Variants in LRP2 observed in about 807,000 individuals in gnomAD.
LRP2 encodes the protein LDL receptor related protein 2.
A neutral mutation model predicts 531.0 loss-of-function variants in LRP2; 172 were observed. That is an observed-to-expected ratio of 0.32 (90% CI 0.29 to 0.37). The LOEUF is 0.37. LRP2 is among the 10% of genes least tolerant of loss of function. The pLI, the probability that LRP2 is intolerant of heterozygous loss-of-function variation, is 1.00. For synonymous variants in LRP2, 1,992 were observed against 2,027.6 expected (o/e 0.98, Z 0.47); for missense variants, 5,167 against 5,868.3 (o/e 0.88, Z 3.90).
intron 52 of LRP2, among the ~76,000 whole-genome samples, chr2:169,178,245 C>T (rs1687287869): frequency 6.6e-6 from 1 of 152,180 alleles, no homozygotes; most frequent in African/African-American, 2.4e-5. Flanking sequence ...CAATACTTAA[C>T]AAAATAGGAA....
intron 33 of LRP2, among the ~76,000 whole-genome samples, chr2:169,221,925 C>T (rs1689028751): frequency 8.9e-6 from 1 of 112,514 alleles, no homozygotes; most frequent in South Asian, 3.8e-4. Context: ...CACGGCCATT[C>T]TGTAGGCTTC....
chr2:169,145,807 C>A lies in LRP2; in HGVS notation c.12928G>T (p.Val4310Leu). 6.2e-7 allele frequency: 1 copy of A among 1,614,096 alleles called. No homozygotes were observed. The highest frequency in any genetic ancestry group is 2.2e-5 in the East Asian group (1 of 44,872). The change falls in exon 70 of 79, where the codon GTA becomes TTA. Residue 4310 changes from valine to leucine, a missense_variant. Physicochemically the swap from Val to Leu is conservative, Grantham distance 32. Transcript: ENST00000649046. ...ACTTGAGTGAGCCAAGGGTTCACTACCAGCGTTTTCTCTTTCTTTCCTTGC... is the reference window on the plus strand; with the variant it reads ...ACTTGAGTGAGCCAAGGGTTCACTAACAGCGTTTTCTCTTTCTTTCCTTGC... The part of the protein sequence containing the change: ...FGQGKKEKTL[V>L]VNPWLTQVRI...
chr2:169,339,872 C>T (rs367985231), intron 1 of LRP2, among the ~76,000 whole-genome samples: 2 of 152,306 alleles, frequency 1.3e-5, no homozygotes, highest in African/African-American at 4.8e-5. Context: ...AGGGTGTTAT[C>T]ACCATAGCAA....
rs767756977 is a variant in LRP2, at chr2:169,177,800, C to T, written c.10393+3G>A. 6.2e-7 allele frequency: 1 copy of T among 1,613,922 alleles called. No homozygotes were observed. Among genetic ancestry groups the T allele is most frequent in the South Asian group, 1.1e-5 (1 of 91,072 alleles). On this transcript the variant is annotated splice_donor_region_variant and intron_variant, in intron 53 of 78. Transcript: ENST00000649046. ...TTGCCAAACCCCTCAATCACCTACT[C>T]ACCAATGGGCTGCCTATATGGATGG...
chr2:169,198,706 A>G, intron 45 of LRP2, 80 bp downstream of exon 45: 1 of 1,539,630 alleles, frequency 6.5e-7, no homozygotes, highest in Non-Finnish European at 8.9e-7. Flanking sequence ...CAGCCCGAAT[A>G]CCCACGCTTC....
chr2:169,357,488 C>T (rs1686026137), intron 1 of LRP2, among the ~76,000 whole-genome samples: 1 of 151,874 alleles, frequency 6.6e-6, no homozygotes, highest in Non-Finnish European at 1.5e-5. Context: ...TGCGTCACCA[C>T]GCCCAGCTAA....
At chr2:169,154,311 G>A (rs1686253911) in intron 66 of LRP2, 149 bp downstream of exon 66, 1 of 704,412 alleles carries the variant, frequency 1.4e-6, no homozygotes, top group African/African-American at 1.8e-5. Flanking sequence ...CCACGCTAAG[G>A]CATCAGGAGC....
Position 169,231,653 on chromosome 2 carries a change from C to G in LRP2, c.5227+61G>C. 19 of 1,609,992 alleles carry G rather than the reference C, an allele frequency of 1.2e-5. No homozygotes were observed. In the South Asian group the frequency reaches 2.0e-4, roughly 17 times the overall value. The stretch of plus-strand genomic sequence containing the variant: ...GTCGCAATTGGTTTTAGAGTTTCCA[C>G]TGCTTGGCACAAACTATGACCAGCT... On this transcript the variant is annotated intron_variant, in intron 31 of 78. Coordinates refer to ENST00000649046, the MANE Select transcript of LRP2 (RefSeq NM_004525.3).
At chr2:169,141,548 T>C (rs1685718769) in intron 71 of LRP2, among the ~76,000 whole-genome samples, 1 of 152,186 alleles carries the variant, frequency 6.6e-6, no homozygotes, top group Non-Finnish European at 1.5e-5. Context: ...CGAGGCCCTA[T>C]ATGGAATGAC....
intron 14 of LRP2, 96 bp from the exon 15 acceptor site, chr2:169,273,163 AT>A: frequency 7.2e-7 from 1 of 1,386,380 alleles, no homozygotes; most frequent in Non-Finnish European, 1.0e-6. Flanking sequence ...TATAGGTGAA[AT>A]AGAGTAATGG....
At chr2:169,294,803 A>G (rs1026909135) in intron 4 of LRP2, 93 bp from the exon 5 acceptor site, 2 of 775,156 alleles carry the variant, frequency 2.6e-6, no homozygotes, top group African/African-American at 1.8e-5. Flanking sequence ...AGTGATTACT[A>G]TATGCAAGTC....
chr2:169,280,162 T>G (rs1373054510), intron 11 of LRP2, among the ~76,000 whole-genome samples, 188 bp downstream of exon 11: 1 of 152,228 alleles, frequency 6.6e-6, no homozygotes, highest in African/African-American at 2.4e-5. Context: ...ATCCATATAA[T>G]AGACTGCTTT....
intron 67 of LRP2, among the ~76,000 whole-genome samples, chr2:169,151,561 G>C (rs1574074855): frequency 6.6e-6 from 1 of 152,146 alleles, no homozygotes; most frequent in African/African-American, 2.4e-5. Flanking sequence ...CCTGGTGTCA[G>C]CTCAAAGATG....
intron 69 of LRP2, among the ~76,000 whole-genome samples, 186 bp from the exon 70 acceptor site, chr2:169,146,109 G>A (rs1046679312): frequency 7.2e-5 from 11 of 152,136 alleles, no homozygotes; most frequent in African/African-American, 2.7e-4. Flanking sequence ...GCTGCATTAG[G>A]AGGTCAAGAA....
chr2:169,138,756 C>A (rs575000384), intron 74 of LRP2, 50 bp from the exon 75 acceptor site: 2 of 1,604,434 alleles, frequency 1.2e-6, no homozygotes, highest in East Asian at 2.2e-5. Context: ...ACAACAACAA[C>A]AAAAACAACA....
rs534921182 is a variant in LRP2, at chr2:169,268,144, C to T, written c.2320+2760G>A. Among the ~76,000 whole-genome samples the T allele has an allele frequency of 5.3e-5, 8 of 152,276 alleles. No homozygotes were observed. The South Asian group carries it at 1.5e-3, about 28-fold the overall frequency. On this transcript the variant is annotated intron_variant, in intron 16 of 78. Transcript: ENST00000649046. ...CTACCAACCCAAAAAATGTCCAGGA[C>T]CAGACGGATTCACAGCCGAATTCTA... is the stretch of plus-strand genomic sequence containing the variant.
intron 4 of LRP2, among the ~76,000 whole-genome samples, chr2:169,305,023 A>G (rs1684379117): frequency 6.6e-6 from 1 of 152,212 alleles, no homozygotes; most frequent in Non-Finnish European, 1.5e-5. Flanking sequence ...ATGAGAACAC[A>G]TGGATACAGA....
chr2:169,307,118 T>C (rs1251340791), intron 4 of LRP2, among the ~76,000 whole-genome samples, 163 bp downstream of exon 4: 6 of 152,196 alleles, frequency 3.9e-5, no homozygotes, highest in South Asian at 2.1e-4. Flanking sequence ...TAGACTCTTA[T>C]CAGAACATCA....
At chr2:169,222,165 G>A (rs766723633) in intron 33 of LRP2, among the ~76,000 whole-genome samples, 1 of 151,982 alleles carries the variant, frequency 6.6e-6, no homozygotes, top group Non-Finnish European at 1.5e-5. Context: ...ATGACCTAAG[G>A]GGAAACACCA....
Sources: allele counts gnomAD v4.1 joint callset (sites outside exome capture counted in the v4.1 genomes callset), GRCh38; gene constraint gnomAD v4.1.1; transcripts MANE v1.5; gene names NCBI Gene and HGNC (gene_info 2026-07-23, HGNC 2026-07-21).